Variants in FGF12 observed in about 807,000 individuals in gnomAD.
FGF12 encodes fibroblast growth factor 12.
FGF12 carries 14 observed loss-of-function variants against 23.6 expected under a neutral mutation model. The ratio of observed to expected loss-of-function variants is 0.59; its 90% confidence interval spans 0.39 to 0.93. The LOEUF (loss-of-function observed/expected upper bound fraction) is 0.93. FGF12 is among the 40% of genes least tolerant of loss of function. The probability of loss-of-function intolerance (pLI) is 0.00; values close to 1 mark genes in which losing one functional copy is unlikely to be tolerated. For synonymous variants in FGF12, 62 were observed against 77.3 expected, an observed-to-expected ratio of 0.80 and a Z score of 1.04; for missense variants, 175 against 217.8, an observed-to-expected ratio of 0.80 and a Z score of 1.24.
chr3:192,403,022 A>G (rs1478744926), intron 2 of FGF12, among the ~76,000 whole-genome samples: 2 of 152,230 alleles, frequency 1.3e-5, no homozygotes, highest in Non-Finnish European at 2.9e-5. Context: ...AATTCTATAC[A>G]TCAAAAGCAA....
chr3:192,186,539 T>C (rs761969454), intron 4 of FGF12, among the ~76,000 whole-genome samples: 2 of 152,254 alleles, frequency 1.3e-5, no homozygotes, highest in Non-Finnish European at 2.9e-5. Context: ...ATCGAATGAA[T>C]AAACAATTTC....
At chr3:192,562,273 AT>A (rs1712076176) in intron 2 of FGF12, among the ~76,000 whole-genome samples, 1 of 152,168 alleles carries the variant, frequency 6.6e-6, no homozygotes, top group African/African-American at 2.4e-5. Context: ...ATGTGAAGAA[AT>A]TTTCCCAAGT....
intron 2 of FGF12, among the ~76,000 whole-genome samples, chr3:192,386,813 A>G (rs1422897756): frequency 6.6e-6 from 1 of 152,190 alleles, no homozygotes; most frequent in African/African-American, 2.4e-5. Flanking sequence ...CTGGTAATAT[A>G]AAGAACACTG....
At chr3:192,169,677 A>G (rs906304640) in intron 5 of FGF12, among the ~76,000 whole-genome samples, 1 of 151,908 alleles carries the variant, frequency 6.6e-6, no homozygotes, top group African/African-American at 2.4e-5. Context: ...GTTTAAAGTG[A>G]TTATAATGTG....
intron 2 of FGF12, among the ~76,000 whole-genome samples, chr3:192,403,451 G>A (rs1720841487): frequency 6.6e-6 from 1 of 151,922 alleles, no homozygotes; most frequent in Admixed American, 6.5e-5. Flanking sequence ...TTGTTGTTGA[G>A]AATGCACTGC....
At chr3:192,212,816 G>T in intron 4 of FGF12, among the ~76,000 whole-genome samples, 1 of 151,064 alleles carries the variant, frequency 6.6e-6, no homozygotes, top group Admixed American at 6.6e-5. Flanking sequence ...GAAATAAAAA[G>T]ATAACTTGGT....
chr3:192,604,531 G>C (rs2134637), intron 2 of FGF12, among the ~76,000 whole-genome samples: 3 of 151,946 alleles, frequency 2.0e-5, no homozygotes, highest in Admixed American at 6.6e-5. Flanking sequence ...GGAGAACTAC[G>C]AACTACTGCT....
chr3:192,158,332 C>CTTTCTTTCT (rs1459698854), intron 5 of FGF12, among the ~76,000 whole-genome samples: 2 of 112,356 alleles, frequency 1.8e-5, no homozygotes, highest in South Asian at 3.5e-4. Context: ...TTCTTTCTTT[C>CTTTCTTTCT]TCTTTCTTTC....
chr3:192,611,774 T>C (rs1249664141), intron 2 of FGF12, among the ~76,000 whole-genome samples: 1 of 151,942 alleles, frequency 6.6e-6, no homozygotes, highest in Non-Finnish European at 1.5e-5. Context: ...CGAGAAAGAG[T>C]AATGCTGTCT....
chr3:192,706,429 G>T (rs1453274720), intron 2 of FGF12, among the ~76,000 whole-genome samples: 1 of 152,046 alleles, frequency 6.6e-6, no homozygotes, highest in African/African-American at 2.4e-5. Flanking sequence ...TTAAGTCACC[G>T]ACTGACCGCC....
rs1331521242 is a variant in FGF12, at chr3:192,477,989, G to A, written c.14-117451C>T. Among the ~76,000 whole-genome samples the A allele has an allele frequency of 2.6e-5, 4 of 152,132 alleles. No individual in the cohort carries two copies. In the East Asian group the frequency reaches 5.8e-4, roughly 22 times the overall value. On this transcript the variant is annotated intron_variant, in intron 2 of 5. Transcript: ENST00000445105. ...GGGCATCCATAGGTTACCTCTTTGT[G>A]TGACTGATAAGCACACTGGCTTATG...
At chr3:192,664,705 C>T (rs1424906023) in intron 2 of FGF12, among the ~76,000 whole-genome samples, 1 of 151,766 alleles carries the variant, frequency 6.6e-6, no homozygotes, top group Admixed American at 6.6e-5. Flanking sequence ...GCGGAGGTTG[C>T]AGTGAGCTGG....
At chr3:192,211,484 G>A (rs1189942650) in intron 4 of FGF12, among the ~76,000 whole-genome samples, 26 of 142,282 alleles carry the variant, frequency 1.8e-4, no homozygotes, top group African/African-American at 6.2e-4. Flanking sequence ...GGAGTGCAGC[G>A]GCGCAATCTC....
intron 4 of FGF12, among the ~76,000 whole-genome samples, chr3:192,174,735 C>T (rs1356940954): frequency 1.4e-5 from 2 of 146,362 alleles, no homozygotes; most frequent in African/African-American, 2.5e-5. Context: ...GAGCCCTACA[C>T]GTGGAGTAAA....
chr3:192,374,124 T>C (rs1160601257), intron 2 of FGF12, among the ~76,000 whole-genome samples: 1 of 152,256 alleles, frequency 6.6e-6, no homozygotes, highest in African/African-American at 2.4e-5. Context: ...GTATGTTGCA[T>C]TTTGTTTAGG....
intron 4 of FGF12, among the ~76,000 whole-genome samples, chr3:192,223,363 C>T (rs1388202641): frequency 1.3e-5 from 2 of 152,054 alleles, no homozygotes; most frequent in African/African-American, 4.8e-5. Flanking sequence ...TCACATTATT[C>T]TTCAATTTCT....
rs368951795 is a variant in FGF12 at position 192,167,772 on chromosome 3, A to ATTTT, written c.427+2682_427+2685dup. Reference sequence around the variant, plus strand: ...ATATATATATATATATATATATAAAATTTTTTTTTTTTTTTTTTTTTGAGA... The same window carrying ATTTT: ...ATATATATATATATATATATATAAAATTTTTTTTTTTTTTTTTTTTTTTTTGAGA... On this transcript the variant is annotated intron_variant, in intron 5 of 5. Coordinates refer to ENST00000445105, the MANE Select transcript of FGF12 (RefSeq NM_004113.6). Among the ~76,000 whole-genome samples the ATTTT allele has an allele frequency of 2.1e-3, 33 of 15,404 alleles. 1 individual carries two copies. Among genetic ancestry groups the ATTTT allele is most frequent in the African/African-American group, 4.5e-3 (20 of 4,470 alleles). 10.1% of individuals were successfully genotyped at this position (15,404 alleles called of 152,430 possible).
chr3:192,328,062 T>C (rs1716908277), intron 4 of FGF12, among the ~76,000 whole-genome samples: 1 of 152,216 alleles, frequency 6.6e-6, no homozygotes, highest in African/African-American at 2.4e-5. Flanking sequence ...TATTTTCTTC[T>C]TCTGAGCTGG....
chr3:192,171,295 C>T (rs58816601), intron 4 of FGF12, among the ~76,000 whole-genome samples: 10,712 of 152,084 alleles, frequency 0.07, 411 homozygotes, highest in Middle Eastern at 0.12. Flanking sequence ...TTACTATTGA[C>T]CTCAGTGAAA....
Sources: allele counts gnomAD v4.1 joint callset (sites outside exome capture counted in the v4.1 genomes callset), GRCh38; gene constraint gnomAD v4.1.1; transcripts MANE v1.5; gene names NCBI Gene and HGNC (gene_info 2026-07-23, HGNC 2026-07-21).